Variants in LRP1B observed in about 807,000 individuals in gnomAD.
LRP1B encodes the protein LDL receptor related protein 1B.
Under a neutral mutation model 556.6 loss-of-function variants are expected in LRP1B, and 217 were observed. The ratio of observed to expected loss-of-function variants is 0.39; its 90% CI spans 0.35 to 0.44. LRP1B has a LOEUF of 0.44. Ranked by LOEUF, LRP1B falls within the 20% of genes least tolerant of loss-of-function variation. LRP1B has a pLI of 1.00. For synonymous variants in LRP1B, 2,047 were observed against 1,865.8 expected (o/e 1.10, Z -2.50); for missense variants, 5,053 against 5,620.8 (o/e 0.90, Z 3.23).
intron 1 of LRP1B, among the ~76,000 whole-genome samples, chr2:142,129,590 C>CTT (rs1707777682): frequency 2.4e-4 from 2 of 8,342 alleles, no homozygotes; most frequent in Non-Finnish European, 4.8e-4. Context: ...CTCTTTCTCT[C>CTT]TCTCTCTCTC....
chr2:141,528,317 G>C (rs1684759542), intron 2 of LRP1B, among the ~76,000 whole-genome samples: 2 of 151,834 alleles, frequency 1.3e-5, no homozygotes, highest in South Asian at 4.1e-4. Flanking sequence ...TACGGTAACT[G>C]GTTATGAGAT....
intron 3 of LRP1B, among the ~76,000 whole-genome samples, chr2:141,324,332 G>T (rs897311475): frequency 2.6e-4 from 39 of 152,086 alleles, no homozygotes; most frequent in Non-Finnish European, 4.6e-4. Flanking sequence ...ATAAGAAAGA[G>T]CATCTCCTAA....
intron 71 of LRP1B, among the ~76,000 whole-genome samples, chr2:140,366,915 A>T (rs1315042997): frequency 6.6e-6 from 1 of 151,750 alleles, no homozygotes; most frequent in Non-Finnish European, 1.5e-5. Flanking sequence ...GATAAGACAC[A>T]TTTGAGGGTA....
intron 72 of LRP1B, among the ~76,000 whole-genome samples, chr2:140,360,473 T>C (rs924197167): frequency 1.3e-5 from 2 of 151,588 alleles, no homozygotes; most frequent in Non-Finnish European, 3.0e-5. Flanking sequence ...TTACTTTCTA[T>C]TTTCTAAAAT....
At chr2:141,403,371 A>G (rs1690515618) in intron 3 of LRP1B, among the ~76,000 whole-genome samples, 2 of 152,252 alleles carry the variant, frequency 1.3e-5, no homozygotes, top group African/African-American at 4.8e-5. Flanking sequence ...TTTCCTCTCT[A>G]TTTAATTCAA....
At chr2:141,802,951 T>C (rs1376193368) in intron 2 of LRP1B, among the ~76,000 whole-genome samples, 24 of 152,104 alleles carry the variant, frequency 1.6e-4, no homozygotes, top group Non-Finnish European at 1.5e-5. Flanking sequence ...CATCGTCTTT[T>C]AAGCCAAGGA....
rs577269854 is a variant in LRP1B at position 140,949,471 on chromosome 2, G to T, written c.3136+764C>A. 6.6e-5 allele frequency among the ~76,000 whole-genome samples: 10 copies of T among 152,194 alleles called. No homozygotes were observed. In the South Asian group the frequency reaches 2.1e-3, roughly 32 times the overall value. On this transcript the variant is annotated intron_variant, in intron 20 of 90. Transcript: ENST00000389484. The stretch of plus-strand genomic sequence containing the variant: ...TGGTCATAATCTCCTTCCTTTCTTA[G>T]CTTGTACTCTAGAAAGTCAGTCAGT...
intron 1 of LRP1B, among the ~76,000 whole-genome samples, chr2:142,084,646 A>C (rs1574667168): frequency 1.3e-5 from 2 of 151,958 alleles, no homozygotes; most frequent in African/African-American, 4.8e-5. Flanking sequence ...TCACTCCCCA[A>C]ACCCTCTTAT....
At chr2:141,998,964 A>G (rs1702580216) in intron 1 of LRP1B, among the ~76,000 whole-genome samples, 1 of 152,218 alleles carries the variant, frequency 6.6e-6, no homozygotes, top group Non-Finnish European at 1.5e-5. Context: ...GGAAAGGAAC[A>G]TAAATTTTCT....
intron 32 of LRP1B, among the ~76,000 whole-genome samples, chr2:140,798,961 T>A (rs763764422): frequency 4.6e-5 from 7 of 152,124 alleles, no homozygotes; most frequent in Non-Finnish European, 7.3e-5. Context: ...TGTGTGTAAG[T>A]TATCCGGAAC....
intron 1 of LRP1B, among the ~76,000 whole-genome samples, chr2:142,019,509 T>G (rs1327834958): frequency 1.3e-5 from 2 of 152,106 alleles, no homozygotes; most frequent in East Asian, 3.8e-4. Flanking sequence ...TTGTCACTCC[T>G]TGCTTACTGT....
At position 141,383,357 on chromosome 2, in the gene LRP1B, C is replaced by G. The variant is rs571881134; in HGVS notation, c.343+97039G>C. Among the ~76,000 whole-genome samples the G allele has an allele frequency of 2.0e-5, 3 of 152,254 alleles. No homozygotes were observed. The South Asian group carries it at 6.2e-4, about 32-fold the overall frequency. ...CATATATAATCCAGCAATCCCACTTCTGTGTATATATCCAAAGGAAAAAAA... is the reference window on the plus strand; with the variant it reads ...CATATATAATCCAGCAATCCCACTTGTGTGTATATATCCAAAGGAAAAAAA... On this transcript the variant is annotated intron_variant, in intron 3 of 90. Coordinates refer to ENST00000389484, the MANE Select transcript of LRP1B (RefSeq NM_018557.3).
At chr2:140,756,029 C>T (rs1436012751) in intron 35 of LRP1B, among the ~76,000 whole-genome samples, 1 of 151,512 alleles carries the variant, frequency 6.6e-6, no homozygotes, top group African/African-American at 2.4e-5. Context: ...GATCAAAATA[C>T]AAAAATCGAT....
chr2:141,202,107 TC>T (rs1471143484), intron 6 of LRP1B, among the ~76,000 whole-genome samples: 1 of 152,254 alleles, frequency 6.6e-6, no homozygotes, highest in African/African-American at 2.4e-5. Context: ...CCTGATGCTC[TC>T]CCCCACACCC....
At chr2:140,299,946 CT>C (rs961972705) in intron 83 of LRP1B, among the ~76,000 whole-genome samples, 3 of 151,234 alleles carry the variant, frequency 2.0e-5, no homozygotes, top group Non-Finnish European at 3.0e-5. Context: ...ATGTGTTTTT[CT>C]TTTTTTTTGT....
At chr2:140,940,604 C>T (rs1695370380) in intron 20 of LRP1B, among the ~76,000 whole-genome samples, 1 of 152,114 alleles carries the variant, frequency 6.6e-6, no homozygotes, top group Non-Finnish European at 1.5e-5. Flanking sequence ...TTCCCTCATA[C>T]CAAATTCTGT....
chr2:140,998,266 G>A (rs1697312450), intron 15 of LRP1B, among the ~76,000 whole-genome samples: 1 of 151,946 alleles, frequency 6.6e-6, no homozygotes, highest in South Asian at 2.1e-4. Flanking sequence ...GAAAAATTCT[G>A]TCTTATTTTT....
rs538051370 is a variant in LRP1B at position 140,543,348 on chromosome 2, G to A, written c.7195-1377C>T. 2.7e-4 allele frequency among the ~76,000 whole-genome samples: 39 copies of A among 146,450 alleles called. 1 individual carries two copies. The highest frequency in any genetic ancestry group is 1.4e-4 in the Non-Finnish European group (9 of 66,080). On this transcript the variant is annotated intron_variant, in intron 43 of 90. Transcript: ENST00000389484. ...AAATAGAAGACAGAAAAACAATAGA[G>A]CGAAATCAGTAAAACTAAAAACTGG...
rs1435106742 is a variant in LRP1B at position 141,735,484 on chromosome 2, T to C, written c.205+74795A>G. Among the ~76,000 whole-genome samples the C allele has an allele frequency of 3.8e-5, 4 of 104,574 alleles. No individual in the cohort carries two copies. In the East Asian group the frequency reaches 9.3e-4, roughly 24 times the overall value. The allele number at this position is 104,574 out of a possible 152,430, so 68.6% of individuals were successfully genotyped here. On this transcript the variant is annotated intron_variant, in intron 2 of 90. Coordinates refer to ENST00000389484, the MANE Select transcript of LRP1B (RefSeq NM_018557.3). ...AAGCAAATCAAGGCAAAGATTTGAG[T>C]AAGATCAGCAGCAAACATGTTTTTT...
Sources: gnomAD v4.1 joint callset for allele counts (sites outside exome capture counted in the v4.1 genomes callset) on GRCh38, gnomAD v4.1.1 for gene constraint, MANE v1.5 for transcripts, NCBI Gene and HGNC (gene_info 2026-07-23, HGNC 2026-07-21) for gene names.